BID: variants seen among roughly 807,000 people sequenced by gnomAD.
BID encodes the protein BH3-interacting domain death agonist.
Under a neutral mutation model 17.4 loss-of-function variants are expected in BID, and 19 were observed. The observed-to-expected ratio is 1.09, with a 90% CI of 0.76 to 1.60. The LOEUF (loss-of-function observed/expected upper bound fraction) is 1.60. Among genes scored for constraint, BID ranks in the 40% most tolerant of loss-of-function variants. The pLI is 0.00. For synonymous variants in BID, 108 were observed against 102.8 expected (o/e 1.05, Z -0.31); for missense variants, 226 against 256.0 (o/e 0.88, Z 0.80).
intron 3 of BID, among the ~76,000 whole-genome samples, chr22:17,743,105 T>C (rs1275593427): frequency 6.6e-6 from 1 of 152,278 alleles, no homozygotes; most frequent in African/African-American, 2.4e-5. Context: ...ATTTACCCTT[T>C]GCTGGACCTG....
intron 3 of BID, among the ~76,000 whole-genome samples, chr22:17,743,482 T>A (rs2061474480): frequency 6.6e-6 from 1 of 152,240 alleles, no homozygotes; most frequent in Non-Finnish European, 1.5e-5. Context: ...TGTATCAGAA[T>A]CACATTTGGA....
chr22:17,740,103 G>C (rs1204126351), intron 3 of BID: 2 of 1,165,920 alleles, frequency 1.7e-6, no homozygotes, highest in Non-Finnish European at 2.4e-6. Flanking sequence ...CTCCATGAAG[G>C]CCACGCTCAA....
chr22:17,774,438 C>A lies in BID; in HGVS notation c.-116G>T. On this transcript the variant is annotated 5_prime_UTR_variant, in exon 1 of 6. Coordinates refer to ENST00000622694, the MANE Select transcript of BID (RefSeq NM_001196.4). ...GGGCCGAGGCAGCGTCTCCCAGGCG[C>A]GCGGACACGGTCGACTACCCGCTTC... 1 of 291,034 alleles carries A rather than the reference C, an allele frequency of 3.4e-6. No homozygotes were observed. The highest frequency in any genetic ancestry group is 7.3e-6 in the Non-Finnish European group (1 of 136,374). The allele number at this position is 291,034 out of a possible 1,614,324, so 18.0% of individuals were successfully genotyped here. A position where few individuals can be genotyped will look rare whatever the true frequency, so the allele number is the denominator to read the frequency against.
intron 1 of BID, among the ~76,000 whole-genome samples, chr22:17,752,356 C>T (rs2061546003): frequency 6.6e-6 from 1 of 152,224 alleles, no homozygotes; most frequent in Non-Finnish European, 1.5e-5. Flanking sequence ...AAACCCACAA[C>T]TCATCCAGCT....
At position 17,734,540 on chromosome 22, in the gene BID, C is replaced by A. The variant is rs2061406649; in HGVS notation, c.*1040G>T. The A allele has an allele frequency of 6.6e-6, 1 of 152,188 alleles. No homozygotes were observed. The highest frequency in any genetic ancestry group is 2.4e-5 in the African/African-American group (1 of 41,434). The allele number at this position is 152,188 out of a possible 1,614,324, so 9.4% of individuals were successfully genotyped here. The stretch of plus-strand genomic sequence containing the variant: ...CACTGTTTCTAAAGCTAAGCTTTTC[C>A]TTATTTATTTTGGTACTACCTAAGT... On this transcript the variant is annotated 3_prime_UTR_variant, in exon 6 of 6. Coordinates refer to ENST00000622694, the MANE Select transcript of BID (RefSeq NM_001196.4).
Position 17,773,946 on chromosome 22 carries a change from C to A in BID, c.-59+435G>T. ...CAGGTGTCTGCGGTGCTGGAAAGAC[C>A]ACGGTGTGGGCGGGGATTCCGATCC... On this transcript the variant is annotated intron_variant, in intron 1 of 5. Transcript: ENST00000622694. The surrounding 1 kb of genome is among the most constrained non-coding windows in gnomAD (Gnocchi z 4.4). The A allele has an allele frequency of 1.8e-6, 1 of 550,506 alleles. No individual in the cohort carries two copies. The highest frequency in any genetic ancestry group is 3.2e-5 in the East Asian group (1 of 31,420). 34.1% of individuals were successfully genotyped at this position (550,506 alleles called of 1,614,324 possible). A position where few individuals can be genotyped will look rare whatever the true frequency, so the allele number is the denominator to read the frequency against.
intron 2 of BID, among the ~76,000 whole-genome samples, chr22:17,748,736 C>CGGG (rs1270263396): frequency 6.8e-6 from 1 of 146,910 alleles, no homozygotes; most frequent in Non-Finnish European, 1.5e-5. Flanking sequence ...CGGGGAGAGG[C>CGGG]GGGCGGGAGG....
Position 17,764,173 on chromosome 22 carries a change from G to A in BID, c.-59+10208C>T, listed in dbSNP as rs1221575646. On this transcript the variant is annotated intron_variant, in intron 1 of 5. Transcript: ENST00000622694. ...AAGTCAACTCCTGGCTACTTGGCAG[G>A]GCGTCAGACTGTGCTCTCTCCATTC... 8.9e-4 allele frequency: 138 copies of A among 154,736 alleles called. 1 individual carries two copies. The Admixed American group carries it at 9.0e-3, about 10-fold the overall frequency. 9.6% of individuals were successfully genotyped at this position (154,736 alleles called of 1,614,324 possible).
intron 1 of BID, chr22:17,774,044 C>G (rs2061741322): frequency 2.7e-6 from 1 of 370,034 alleles, no homozygotes; most frequent in Non-Finnish European, 5.0e-6. Context: ...CGGCCCCTCC[C>G]CCTCCCCGCG....
chr22:17,747,609 C>T (rs1489604404), intron 2 of BID, among the ~76,000 whole-genome samples: 1 of 152,052 alleles, frequency 6.6e-6, no homozygotes, highest in Non-Finnish European at 1.5e-5. Context: ...GCGTGAGCCA[C>T]CATGCCCAGC....
At chr22:17,752,924 C>G (rs765933639) in intron 1 of BID, among the ~76,000 whole-genome samples, 2 of 148,218 alleles carry the variant, frequency 1.3e-5, no homozygotes, top group African/African-American at 5.0e-5. Context: ...CTTGGCCTCC[C>G]GAAGTGCTGG....
chr22:17,740,206 T>C (rs1433163882), intron 3 of BID: 8 of 1,596,952 alleles, frequency 5.0e-6, no homozygotes, highest in Non-Finnish European at 6.8e-6. Context: ...CTAAGGGCTG[T>C]GATTTTTTTA....
intron 1 of BID, among the ~76,000 whole-genome samples, chr22:17,763,714 T>TC (rs1170354517): frequency 2.0e-5 from 3 of 151,620 alleles, no homozygotes; most frequent in Non-Finnish European, 4.4e-5. Flanking sequence ...AACATACTTT[T>TC]TTTTTTTTTT....
intron 1 of BID, among the ~76,000 whole-genome samples, chr22:17,760,383 CG>C (rs2061628402): frequency 8.2e-6 from 1 of 122,060 alleles, no homozygotes; most frequent in Non-Finnish European, 1.6e-5. Context: ...ACCCAGGAGG[CG>C]GGGGTTGCAG....
At chr22:17,756,661 C>T (rs559390916) in intron 1 of BID, among the ~76,000 whole-genome samples, 56 of 151,590 alleles carry the variant, frequency 3.7e-4, no homozygotes, top group Middle Eastern at 3.4e-3. Flanking sequence ...CTGCAACCTC[C>T]ACCTCCTGGG....
At chr22:17,756,847 T>A (rs1367242873) in intron 1 of BID, among the ~76,000 whole-genome samples, 1 of 152,040 alleles carries the variant, frequency 6.6e-6, no homozygotes, top group African/African-American at 2.4e-5. Flanking sequence ...GTGCTGGGAT[T>A]ACAGGCGTGA....
chr22:17,773,878 G>C lies in BID; in HGVS notation c.-59+503C>G. The stretch of plus-strand genomic sequence containing the variant: ...GCGAGCCCCAGTAAGCGGCCGCTCT[G>C]ACCGCGCTTTGTCAGCCCTGAGCTC... On this transcript the variant is annotated intron_variant, in intron 1 of 5. Transcript: ENST00000622694. The surrounding 1 kb of genome is among the most constrained non-coding windows in gnomAD (Gnocchi z 4.4). 3.1e-6 allele frequency: 2 copies of C among 635,500 alleles called. No homozygotes were observed. Among genetic ancestry groups the C allele is most frequent in the Admixed American group, 5.6e-5 (2 of 35,892 alleles). The allele number at this position is 635,500 out of a possible 1,614,324, so 39.4% of individuals were successfully genotyped here. A position where few individuals can be genotyped will look rare whatever the true frequency, so the allele number is the denominator to read the frequency against.
At chr22:17,748,311 C>G (rs1426996594) in intron 2 of BID, among the ~76,000 whole-genome samples, 4 of 150,510 alleles carry the variant, frequency 2.7e-5, no homozygotes, top group Non-Finnish European at 5.9e-5. Flanking sequence ...AGATCGAGAC[C>G]ATCCTGGCTA....
intron 3 of BID, 132 bp downstream of exon 3, chr22:17,743,671 C>T (rs535773185): frequency 3.6e-5 from 32 of 879,018 alleles, no homozygotes; most frequent in Non-Finnish European, 5.3e-5. Context: ...TTAAGTGATA[C>T]CAGCGTACGT....
Sources: allele counts gnomAD v4.1 joint callset (sites outside exome capture counted in the v4.1 genomes callset), GRCh38; gene constraint gnomAD v4.1.1; non-coding constraint Gnocchi (gnomAD v3.1); transcripts MANE v1.5; gene names NCBI Gene and HGNC (gene_info 2026-07-23, HGNC 2026-07-21).